The following SIGLEC15 variants were observed in gnomAD, a reference collection of about 807,000 sequenced individuals.
SIGLEC15 encodes sialic acid binding Ig like lectin 15.
In SIGLEC15, 31 loss-of-function variants were observed where a neutral mutation model predicts 26.2. The observed-to-expected ratio is 1.18, with a 90% CI of 0.89 to 1.60. SIGLEC15 has a LOEUF of 1.60. Among genes scored for constraint, SIGLEC15 ranks in the 40% most tolerant of loss-of-function variants. SIGLEC15 has a pLI of 0.00. For missense variants in SIGLEC15, 501 were observed against 488.4 expected, an observed-to-expected ratio of 1.03 and a Z score of -0.24; for synonymous variants, 207 against 221.9, an observed-to-expected ratio of 0.93 and a Z score of 0.60.
At chr18:45,840,565 G>A (rs747664544) in intron 5 of SIGLEC15, among the ~76,000 whole-genome samples, 1 of 152,170 alleles carries the variant, frequency 6.6e-6, no homozygotes, top group Non-Finnish European at 1.5e-5. Flanking sequence ...GTTCCCCCCT[G>A]GCACTCTGCT....
At position 45,825,837 on chromosome 18, in the gene SIGLEC15, A is replaced by C. The variant is rs143268880; in HGVS notation, c.52+57A>C. Reference sequence around the variant, plus strand: ...TCGGGACAGAATAGATGCTGAAAGCATCTTAGGTACAGTCTCCCCTGGAAG... The same window carrying C: ...TCGGGACAGAATAGATGCTGAAAGCCTCTTAGGTACAGTCTCCCCTGGAAG... On this transcript the variant is annotated intron_variant, in intron 1 of 5. Coordinates refer to ENST00000389474, the MANE Select transcript of SIGLEC15 (RefSeq NM_213602.3). 7,502 of 1,595,820 alleles carry C rather than the reference A, an allele frequency of 4.7e-3. 31 individuals are homozygous for C. Among genetic ancestry groups the C allele is most frequent in the Middle Eastern group, 1.0e-2 (60 of 6,026 alleles).
At position 45,844,081 on chromosome 18, in the gene SIGLEC15, A is replaced by AT. The variant is rs931406272; in HGVS notation, c.*1895dup. 5 of 145,866 alleles carry AT rather than the reference A, an allele frequency of 3.4e-5. No individual in the cohort carries two copies. Among genetic ancestry groups the AT allele is most frequent in the African/African-American group, 1.1e-4 (4 of 35,810 alleles). The allele number at this position is 145,866 out of a possible 1,614,324, so 9.0% of individuals were successfully genotyped here. On this transcript the variant is annotated 3_prime_UTR_variant, in exon 6 of 6. Transcript: ENST00000389474. ...TGAACACACAATGAAATATTCAGCC[A>AT]TAAAAAAAAAAAATGAAATCCTGTC...
Position 45,837,679 on chromosome 18 carries a change from C to T in SIGLEC15, c.279C>T (p.Phe93=). 2.0e-6 allele frequency: 3 copies of T among 1,483,426 alleles called. No individual in the cohort carries two copies. The highest frequency in any genetic ancestry group is 2.7e-6 in the Non-Finnish European group (3 of 1,126,258). The allele number at this position is 1,483,426 out of a possible 1,614,324, so 91.9% of individuals were successfully genotyped here. A position where few individuals can be genotyped will look rare whatever the true frequency, so the allele number is the denominator to read the frequency against. The change falls in exon 3 of 6, where the codon TTC becomes TTT. Residue 93 remains phenylalanine, a synonymous_variant. Coordinates refer to ENST00000389474, the MANE Select transcript of SIGLEC15 (RefSeq NM_213602.3). ...AGEPYAGPQV[F]RCAAARGSEL... ...AGCCCTATGCGGGCCCGCAGGTGTT[C>T]CGCTGCGCTGCGGCGCGGGGCAGCG...
chr18:45,833,994 C>T (rs1048211873), intron 1 of SIGLEC15, among the ~76,000 whole-genome samples: 2 of 152,168 alleles, frequency 1.3e-5, no homozygotes, highest in Non-Finnish European at 2.9e-5. Flanking sequence ...CTCCGCAGAG[C>T]ACTGTGTGCT....
At position 45,842,138 on chromosome 18, in the gene SIGLEC15, T is replaced by A. The variant is rs771320949; in HGVS notation, c.938T>A (p.Leu313Ter). The A allele has an allele frequency of 2.2e-5, 35 of 1,614,196 alleles. No individual in the cohort carries two copies. In the South Asian group the frequency reaches 3.7e-4, roughly 17 times the overall value. The change falls in exon 6 of 6, where the codon TTG becomes TAG. Residue 313 changes from leucine to a stop codon, truncating the protein, a stop_gained. Coordinates refer to ENST00000389474, the MANE Select transcript of SIGLEC15 (RefSeq NM_213602.3). LOFTEE classifies it low-confidence loss of function (END_TRUNC). ...SQAQESNYEN[L>*]SQMNPRSPPA... is the part of the protein sequence containing the mutation. ...GCCCAGGAGTCCAATTATGAAAATT[T>A]GAGCCAGATGAACCCCCGGAGCCCA...
chr18:45,838,933 A>G lies in SIGLEC15; in HGVS notation c.712A>G (p.Thr238Ala). 1 of 1,604,364 alleles carries G rather than the reference A, an allele frequency of 6.2e-7. No individual in the cohort carries two copies. The highest frequency in any genetic ancestry group is 1.7e-4 in the Middle Eastern group (1 of 6,048). ...ALTHDGRYTCTAANSLGRSEA... is the reference protein window; with the variant it reads ...ALTHDGRYTCAAANSLGRSEA... ...GACCCATGACGGCCGCTACACGTGT[A>G]CGGCCGCCAACAGCCTGGGCCGCTC... The change falls in exon 4 of 6, where the codon ACG becomes GCG. Residue 238 changes from threonine to alanine, a missense_variant. By Grantham distance (58) the Thr-to-Ala change is moderately conservative. Coordinates refer to ENST00000389474, the MANE Select transcript of SIGLEC15 (RefSeq NM_213602.3).
chr18:45,826,287 TG>T (rs906370654), intron 1 of SIGLEC15, among the ~76,000 whole-genome samples: 1 of 151,884 alleles, frequency 6.6e-6, no homozygotes, highest in African/African-American at 2.4e-5. Flanking sequence ...AGTGGGTGAG[TG>T]GGAACACTGT....
intron 1 of SIGLEC15, among the ~76,000 whole-genome samples, chr18:45,830,221 A>AGGTTTC (rs2048222483): frequency 6.6e-6 from 1 of 152,196 alleles, no homozygotes; most frequent in Admixed American, 6.5e-5. Flanking sequence ...GGCAAAACCA[A>AGGTTTC]GGTTTCTGTT....
At position 45,834,259 on chromosome 18, in the gene SIGLEC15, A is replaced by G. The variant is rs143982101; in HGVS notation, c.53-2770A>G. ...TGGACACCCACCCTTCTGTCCTCAC[A>G]TAGCAAATCAATCCAATGTCAGTGA... is the stretch of plus-strand genomic sequence containing the variant. On this transcript the variant is annotated intron_variant, in intron 1 of 5. Transcript: ENST00000389474. Among the ~76,000 whole-genome samples, 809 of 152,290 alleles carry G rather than the reference A, an allele frequency of 5.3e-3. 4 individuals are homozygous for G. The highest frequency in any genetic ancestry group is 0.02 in the Middle Eastern group (6 of 294).
chr18:45,833,953 T>G (rs1202872895), intron 1 of SIGLEC15, among the ~76,000 whole-genome samples: 1 of 152,134 alleles, frequency 6.6e-6, no homozygotes, highest in Non-Finnish European at 1.5e-5. Flanking sequence ...ACATGACACA[T>G]GACAGAGTAT....
At chr18:45,829,192 G>A (rs929668739) in intron 1 of SIGLEC15, 8 of 977,944 alleles carry the variant, frequency 8.2e-6, no homozygotes, top group Admixed American at 1.2e-4. Flanking sequence ...AGGTAAGCAG[G>A]GCCACACCCA....
Position 45,842,221 on chromosome 18 carries a change from C to A in SIGLEC15, c.*34C>A. On this transcript the variant is annotated 3_prime_UTR_variant, in exon 6 of 6. Coordinates refer to ENST00000389474, the MANE Select transcript of SIGLEC15 (RefSeq NM_213602.3). ...TCAGCCACCAACATCCATTTCAGCA[C>A]TGTAAAGAACAAAGGCCAGTGCGAG... The A allele has an allele frequency of 1.2e-6, 2 of 1,610,266 alleles. No homozygotes were observed. Among genetic ancestry groups the A allele is most frequent in the African/African-American group, 1.3e-5 (1 of 74,960 alleles).
chr18:45,831,509 C>T (rs999262588), intron 1 of SIGLEC15, among the ~76,000 whole-genome samples: 3 of 152,152 alleles, frequency 2.0e-5, no homozygotes, highest in Non-Finnish European at 4.4e-5. Flanking sequence ...TGAGCAATGG[C>T]CAGACTGTCA....
chr18:45,825,814 G>A lies in SIGLEC15; in HGVS notation c.52+34G>A, dbSNP rs757655809. ...CTGCTACTCTCTCTGGCCCATGCTC[G>A]GGACAGAATAGATGCTGAAAGCATC... On this transcript the variant is annotated intron_variant, in intron 1 of 5. Coordinates refer to ENST00000389474, the MANE Select transcript of SIGLEC15 (RefSeq NM_213602.3). 30 of 1,613,312 alleles carry A rather than the reference G, an allele frequency of 1.9e-5. No homozygotes were observed. The Admixed American group carries it at 2.7e-4, about 14-fold the overall frequency.
chr18:45,831,734 T>G (rs1016629997), intron 1 of SIGLEC15, among the ~76,000 whole-genome samples: 3 of 140,264 alleles, frequency 2.1e-5, no homozygotes, highest in African/African-American at 8.4e-5. Context: ...AGTGTCCAGG[T>G]ACCAACATCT....
At chr18:45,835,407 T>A (rs776003298) in intron 1 of SIGLEC15, among the ~76,000 whole-genome samples, 9 of 152,206 alleles carry the variant, frequency 5.9e-5, no homozygotes, top group Admixed American at 6.5e-5. Context: ...CTTAAAATTA[T>A]GGGATGGAGG....
At chr18:45,840,117 G>A (rs1004251191) in intron 4 of SIGLEC15, 94 bp from the exon 5 acceptor site, 26 of 1,417,440 alleles carry the variant, frequency 1.8e-5, no homozygotes, top group South Asian at 1.1e-4. Context: ...TGGTTTCCTC[G>A]AGACCCCTTC....
At chr18:45,828,411 A>G (rs574659405) in intron 1 of SIGLEC15, among the ~76,000 whole-genome samples, 145 of 151,724 alleles carry the variant, frequency 9.6e-4, no homozygotes, top group African/African-American at 3.4e-3. Flanking sequence ...ATCTCCCCCC[A>G]TATCTGCTTT....
intron 4 of SIGLEC15, 69 bp from the exon 5 acceptor site, chr18:45,840,142 G>A (rs2048312790): frequency 2.6e-6 from 4 of 1,561,422 alleles, no homozygotes; most frequent in Non-Finnish European, 3.5e-6. Context: ...TGGCATGGGT[G>A]GGGGTGGGCG....
Sources: allele counts gnomAD v4.1 joint callset (sites outside exome capture counted in the v4.1 genomes callset), GRCh38; gene constraint gnomAD v4.1.1; transcripts MANE v1.5; gene names NCBI Gene and HGNC (gene_info 2026-07-23, HGNC 2026-07-21).